The following CDH19 variants were observed in gnomAD, a reference collection of about 807,000 sequenced individuals.
The protein encoded by CDH19 is cadherin 19.
Under a neutral mutation model 64.2 loss-of-function variants are expected in CDH19, and 67 were observed. The ratio of observed to expected loss-of-function variants is 1.04; its 90% CI spans 0.86 to 1.28. CDH19 has a LOEUF of 1.28. Ranked by LOEUF, CDH19 falls within the 50% of genes most tolerant of loss-of-function variation. CDH19 has a pLI of 0.00. For missense variants in CDH19, 1,030 were observed against 929.0 expected (o/e 1.11, Z -1.41); for synonymous variants, 346 against 319.3 (o/e 1.08, Z -0.89).
At chr18:66,516,091 TAG>T (rs1238957214) in intron 9 of CDH19, among the ~76,000 whole-genome samples, 1 of 151,996 alleles carries the variant, frequency 6.6e-6, no homozygotes, top group African/African-American at 2.4e-5. Flanking sequence ...GTGCTGAAAT[TAG>T]AAGATCATAC....
chr18:66,505,454 G>A lies in CDH19; in HGVS notation c.1829-152C>T, dbSNP rs2144326274. On this transcript the variant is annotated intron_variant, in intron 11 of 11. Coordinates refer to ENST00000262150, the MANE Select transcript of CDH19 (RefSeq NM_021153.4). ...TTTGTTATTGAAAATTTGCCAAAGGGACTTGCAAAATTACAAAAGAATGTA... is the reference window on the plus strand; with the variant it reads ...TTTGTTATTGAAAATTTGCCAAAGGAACTTGCAAAATTACAAAAGAATGTA... 5.3e-6 allele frequency: 3 copies of A among 562,762 alleles called. No individual in the cohort carries two copies. In the East Asian group the frequency reaches 1.0e-4, roughly 19 times the overall value. The allele number at this position is 562,762 out of a possible 1,614,324, so 34.9% of individuals were successfully genotyped here.
At chr18:66,505,328 T>C in intron 11 of CDH19, 26 bp from the exon 12 acceptor site, 2 of 1,500,654 alleles carry the variant, frequency 1.3e-6, no homozygotes, top group South Asian at 2.7e-5. Context: ...CATCAGAATA[T>C]CAATAAACAA....
intron 11 of CDH19, among the ~76,000 whole-genome samples, chr18:66,506,699 G>A (rs1437543111): frequency 2.6e-5 from 4 of 151,782 alleles, no homozygotes; most frequent in Non-Finnish European, 4.4e-5. Flanking sequence ...GTGTCTTTGC[G>A]TGTGGGTATC....
rs80021346 is a variant in CDH19 at position 66,581,016 on chromosome 18, C to A, written c.-112-8700G>T. Among the ~76,000 whole-genome samples the A allele has an allele frequency of 6.1e-3, 921 of 152,112 alleles. 6 individuals are homozygous for A. Among genetic ancestry groups the A allele is most frequent in the Non-Finnish European group, 9.6e-3 (651 of 67,984 alleles). ...AAAAAATGCTCTCGCCTGAAATGGG[C>A]CCTGGATAAACCAGCAGTGGCATTT... is the stretch of plus-strand genomic sequence containing the variant. On this transcript the variant is annotated intron_variant, in intron 1 of 11. Coordinates refer to ENST00000262150, the MANE Select transcript of CDH19 (RefSeq NM_021153.4).
At chr18:66,567,950 C>G (rs1456264435) in intron 3 of CDH19, among the ~76,000 whole-genome samples, 1 of 151,666 alleles carries the variant, frequency 6.6e-6, no homozygotes, top group Non-Finnish European at 1.5e-5. Flanking sequence ...CAGCCACACA[C>G]AGGTGTTCAA....
chr18:66,551,995 C>A (rs1987361245), intron 4 of CDH19, among the ~76,000 whole-genome samples: 1 of 151,764 alleles, frequency 6.6e-6, no homozygotes, highest in Non-Finnish European at 1.5e-5. Flanking sequence ...GCAAAATATT[C>A]ATTAAAAATT....
intron 3 of CDH19, among the ~76,000 whole-genome samples, chr18:66,564,311 T>A (rs1987826698): frequency 6.6e-6 from 1 of 151,890 alleles, no homozygotes; most frequent in Non-Finnish European, 1.5e-5. Context: ...AAATCTGAAA[T>A]GCCAAAATAA....
chr18:66,525,498 T>C (rs1255887445), intron 9 of CDH19, among the ~76,000 whole-genome samples: 1 of 152,084 alleles, frequency 6.6e-6, no homozygotes, highest in Non-Finnish European at 1.5e-5. Context: ...TTGGTTTTAA[T>C]TGTATTAACA....
At chr18:66,524,569 T>TATATATATATATAAAA (rs1276593665) in intron 9 of CDH19, among the ~76,000 whole-genome samples, 4 of 135,164 alleles carry the variant, frequency 3.0e-5, no homozygotes, top group Non-Finnish European at 4.8e-5. Context: ...TATATATATA[T>TATATATATATATAAAA]AAACATCATC....
intron 1 of CDH19, among the ~76,000 whole-genome samples, chr18:66,590,197 T>A (rs1056504871): frequency 5.3e-5 from 8 of 151,836 alleles, no homozygotes; most frequent in African/African-American, 1.9e-4. Flanking sequence ...TTAACAAGCC[T>A]CAAAGATGAC....
chr18:66,554,681 G>T (rs1031135256), intron 3 of CDH19, among the ~76,000 whole-genome samples, 157 bp from the exon 4 acceptor site: 11 of 151,582 alleles, frequency 7.3e-5, no homozygotes, highest in African/African-American at 2.2e-4. Context: ...GTATTTTTTT[G>T]TTGTTTTTTA....
chr18:66,550,528 C>G (rs886240546), intron 5 of CDH19, among the ~76,000 whole-genome samples: 8 of 152,040 alleles, frequency 5.3e-5, no homozygotes, highest in African/African-American at 1.7e-4. Context: ...GGAACATTAT[C>G]CTGCTTTATC....
At chr18:66,514,309 C>A (rs1985634945) in intron 9 of CDH19, among the ~76,000 whole-genome samples, 1 of 150,994 alleles carries the variant, frequency 6.6e-6, no homozygotes, top group African/African-American at 2.4e-5. Context: ...ATTCCAAAAG[C>A]AAGTAAAAAT....
At chr18:66,548,202 TAACTG>T (rs1220213408) in intron 5 of CDH19, among the ~76,000 whole-genome samples, 1 of 146,994 alleles carries the variant, frequency 6.8e-6, no homozygotes, top group East Asian at 2.0e-4. Context: ...AATATACACT[TAACTG>T]AGCTCCTGAT....
intron 3 of CDH19, among the ~76,000 whole-genome samples, chr18:66,561,831 A>G (rs1180321091): frequency 1.3e-5 from 2 of 152,184 alleles, no homozygotes; most frequent in Middle Eastern, 3.4e-3. Context: ...TATAATTACT[A>G]ATGTAATCTT....
chr18:66,512,621 T>C (rs1049969730), intron 9 of CDH19, among the ~76,000 whole-genome samples: 4 of 151,520 alleles, frequency 2.6e-5, no homozygotes, highest in African/African-American at 7.2e-5. Flanking sequence ...CTTCTCCACA[T>C]TGATTTATTT....
At chr18:66,505,539 A>G (rs946837523) in intron 11 of CDH19, among the ~76,000 whole-genome samples, 1 of 144,196 alleles carries the variant, frequency 6.9e-6, no homozygotes, top group Non-Finnish European at 1.5e-5. Context: ...ATAGTGAACT[A>G]TATTTATTAA....
rs772639440 is a variant in CDH19, at chr18:66,508,990, C to G, written c.1828+5G>C. 1 of 1,602,950 alleles carries G rather than the reference C, an allele frequency of 6.2e-7. No homozygotes were observed. Among genetic ancestry groups the G allele is most frequent in the Non-Finnish European group, 8.5e-7 (1 of 1,171,074 alleles). ...ATGAGAATAGCAATGATGACTTCTA[C>G]CTACCAAATATGATCATAATGCAAA... On this transcript the variant is annotated splice_donor_5th_base_variant and intron_variant, in intron 11 of 11. Coordinates refer to ENST00000262150, the MANE Select transcript of CDH19 (RefSeq NM_021153.4).
At chr18:66,515,865 C>T (rs958145819) in intron 9 of CDH19, among the ~76,000 whole-genome samples, 1 of 151,726 alleles carries the variant, frequency 6.6e-6, no homozygotes, top group African/African-American at 2.4e-5. Flanking sequence ...TTAGTACTTA[C>T]AGCACTCCAA....
Sources: gnomAD v4.1 joint callset for allele counts (sites outside exome capture counted in the v4.1 genomes callset) on GRCh38, gnomAD v4.1.1 for gene constraint, MANE v1.5 for transcripts, NCBI Gene and HGNC (gene_info 2026-07-23, HGNC 2026-07-21) for gene names.